The following TMTC1 variants were observed in gnomAD, a reference collection of about 807,000 sequenced individuals.
The protein encoded by TMTC1 is transmembrane O-mannosyltransferase targeting cadherins 1, also known as protein O-mannosyl-transferase TMTC1.
A neutral mutation model predicts 104.8 loss-of-function variants in TMTC1; 73 were observed. The ratio of observed to expected loss-of-function variants is 0.70; its 90% CI spans 0.58 to 0.85. TMTC1 has a LOEUF of 0.85. Ranked by LOEUF, TMTC1 falls within the 40% of genes least tolerant of loss-of-function variation. The pLI is 0.00. For synonymous variants in TMTC1, 434 were observed against 428.7 expected, an observed-to-expected ratio of 1.01 and a Z score of -0.15; for missense variants, 1,035 against 1,096.1, an observed-to-expected ratio of 0.94 and a Z score of 0.79.
In TMTC1 at chr12:29,783,842, G is replaced by T; in HGVS notation, c.-91C>A. On this transcript the variant is annotated 5_prime_UTR_variant, in exon 1 of 18. Coordinates refer to ENST00000539277, the MANE Select transcript of TMTC1 (RefSeq NM_001193451.2). This position sits in a 1 kb window ranked among gnomAD's most constrained non-coding sequence, Gnocchi z 4.7. Reference sequence around the variant, plus strand: ...CCCGGCGGCGCGCGGCGTCTGCCCGGAGGGGGGCTCGGGCATGGTGCTGCG... The same window carrying T: ...CCCGGCGGCGCGCGGCGTCTGCCCGTAGGGGGGCTCGGGCATGGTGCTGCG... 9.5e-7 allele frequency: 1 copy of T among 1,056,806 alleles called. No homozygotes were observed. The highest frequency in any genetic ancestry group is 1.1e-6 in the Non-Finnish European group (1 of 874,040). 65.5% of individuals were successfully genotyped at this position (1,056,806 alleles called of 1,614,324 possible). A position where few individuals can be genotyped will look rare whatever the true frequency, so the allele number is the denominator to read the frequency against.
intron 5 of TMTC1, among the ~76,000 whole-genome samples, chr12:29,687,059 A>G (rs1941117310): frequency 6.6e-6 from 1 of 152,236 alleles, no homozygotes; most frequent in African/African-American, 2.4e-5. Flanking sequence ...AGATATTGGG[A>G]TTAGAAAATC....
At chr12:29,743,242 G>T (rs1942872496) in intron 5 of TMTC1, among the ~76,000 whole-genome samples, 1 of 152,208 alleles carries the variant, frequency 6.6e-6, no homozygotes, top group Admixed American at 6.5e-5. Context: ...TTGGAGCCCA[G>T]GCACTCTGGC....
At chr12:29,726,769 C>G (rs1440525982) in intron 5 of TMTC1, among the ~76,000 whole-genome samples, 2 of 152,162 alleles carry the variant, frequency 1.3e-5, no homozygotes, top group Non-Finnish European at 2.9e-5. Context: ...AGAAAAAAAT[C>G]AGAAGGCCAA....
chr12:29,760,125 T>C (rs1382603757), intron 2 of TMTC1, among the ~76,000 whole-genome samples: 1 of 152,192 alleles, frequency 6.6e-6, no homozygotes, highest in African/African-American at 2.4e-5. Flanking sequence ...CCATAGCATC[T>C]AGGTTTGTAT....
rs550926848 is a variant in TMTC1 at position 29,701,339 on chromosome 12, C to T, written c.938+50327G>A. ...CCGGTTTTGCCTTAGGCTACACTCA[C>T]GAGGGTAGCTCCCAGTTAGTGACTG... On this transcript the variant is annotated intron_variant, in intron 5 of 17. Transcript: ENST00000539277. 6.6e-5 allele frequency among the ~76,000 whole-genome samples: 10 copies of T among 152,254 alleles called. No individual in the cohort carries two copies. In the South Asian group the frequency reaches 1.7e-3, roughly 25 times the overall value.
At chr12:29,526,066 C>T (rs1944335380) in intron 11 of TMTC1, among the ~76,000 whole-genome samples, 1 of 151,918 alleles carries the variant, frequency 6.6e-6, no homozygotes, top group South Asian at 2.1e-4. Context: ...TTTAAATGGC[C>T]CATCAGGTAG....
intron 5 of TMTC1, among the ~76,000 whole-genome samples, chr12:29,667,100 A>T (rs1161354927): frequency 6.6e-6 from 1 of 152,172 alleles, no homozygotes; most frequent in Non-Finnish European, 1.5e-5. Flanking sequence ...AAAAACAACA[A>T]AAGAATTTTA....
At chr12:29,596,705 C>T (rs564226647) in intron 7 of TMTC1, among the ~76,000 whole-genome samples, 14 of 152,302 alleles carry the variant, frequency 9.2e-5, no homozygotes, top group African/African-American at 3.1e-4. Flanking sequence ...GGCTCACTGA[C>T]AAGCCTACGT....
At chr12:29,782,038 A>T (rs1943846269) in intron 1 of TMTC1, among the ~76,000 whole-genome samples, 1 of 152,234 alleles carries the variant, frequency 6.6e-6, no homozygotes, top group African/African-American at 2.4e-5. Flanking sequence ...GTGAACTTGC[A>T]CATCCTAAAT....
chr12:29,600,384 A>C (rs1037786093), intron 7 of TMTC1, among the ~76,000 whole-genome samples: 90 of 152,172 alleles, frequency 5.9e-4, no homozygotes, highest in African/African-American at 2.1e-3. Context: ...CAATATTTAT[A>C]AAATGGCTTT....
chr12:29,522,733 G>A (rs955060969), intron 11 of TMTC1, among the ~76,000 whole-genome samples: 4 of 152,144 alleles, frequency 2.6e-5, no homozygotes, highest in South Asian at 2.1e-4. Context: ...GGTTAAGAAC[G>A]AGGCTCCCAA....
At chr12:29,593,420 A>T (rs112685049) in intron 7 of TMTC1, among the ~76,000 whole-genome samples, 2,537 of 152,318 alleles carry the variant, frequency 0.017, 46 homozygotes, top group African/African-American at 0.044. Context: ...CCTCAAGAAA[A>T]TTCAGTTTAT....
chr12:29,647,016 G>T (rs912817932), intron 5 of TMTC1, among the ~76,000 whole-genome samples: 2 of 152,026 alleles, frequency 1.3e-5, no homozygotes, highest in African/African-American at 4.8e-5. Context: ...CTTCAGCTTC[G>T]TTTCGAAAAA....
At chr12:29,764,780 G>C (rs1433580813) in intron 2 of TMTC1, among the ~76,000 whole-genome samples, 2 of 152,018 alleles carry the variant, frequency 1.3e-5, no homozygotes, top group East Asian at 3.9e-4. Context: ...CCCTTTCACT[G>C]TGTTACTATG....
At chr12:29,508,049 A>G in intron 17 of TMTC1, among the ~76,000 whole-genome samples, 1 of 152,320 alleles carries the variant, frequency 6.6e-6, no homozygotes, top group Non-Finnish European at 1.5e-5. Context: ...GCTTAGACAC[A>G]TAGTGAGTGC....
chr12:29,572,581 C>T (rs1945709538), intron 8 of TMTC1, among the ~76,000 whole-genome samples: 1 of 152,038 alleles, frequency 6.6e-6, no homozygotes, highest in South Asian at 2.1e-4. Context: ...ATAGGAGGGT[C>T]CAATGGTATA....
chr12:29,644,005 TATAA>T (rs1259744027), intron 5 of TMTC1, among the ~76,000 whole-genome samples: 1 of 118,758 alleles, frequency 8.4e-6, no homozygotes, highest in Admixed American at 1.2e-4. Context: ...TATATATAAA[TATAA>T]ATATATAATT....
At chr12:29,583,045 C>T (rs918579849) in intron 8 of TMTC1, among the ~76,000 whole-genome samples, 1 of 152,212 alleles carries the variant, frequency 6.6e-6, no homozygotes, top group Non-Finnish European at 1.5e-5. Flanking sequence ...CTGCATTTCT[C>T]TTCCCTCTGG....
intron 13 of TMTC1, among the ~76,000 whole-genome samples, chr12:29,518,140 A>G (rs1352499625): frequency 6.6e-6 from 1 of 152,166 alleles, no homozygotes; most frequent in African/African-American, 2.4e-5. Flanking sequence ...ATTTGTTCTC[A>G]TGTGTGCATA....
Sources: allele counts gnomAD v4.1 joint callset (sites outside exome capture counted in the v4.1 genomes callset), GRCh38; gene constraint gnomAD v4.1.1; non-coding constraint Gnocchi (gnomAD v3.1); transcripts MANE v1.5; gene names NCBI Gene and HGNC (gene_info 2026-07-23, HGNC 2026-07-21).